Variants in IL34 observed in about 807,000 individuals in gnomAD.
The protein encoded by IL34 is interleukin-34.
Under a neutral mutation model 25.3 loss-of-function variants are expected in IL34, and 17 were observed. The observed-to-expected ratio is 0.67, with a 90% CI of 0.46 to 1.01. The LOEUF (loss-of-function observed/expected upper bound fraction) is 1.01. IL34 is among the 50% of genes least tolerant of loss of function. The pLI is 0.00. For missense variants in IL34, 368 were observed against 312.9 expected (o/e 1.18, Z -1.33); for synonymous variants, 174 against 140.9 (o/e 1.23, Z -1.66).
Position 70,660,039 on chromosome 16 carries a change from C to T in IL34, c.581C>T (p.Pro194Leu). 6.2e-7 allele frequency: 1 copy of T among 1,611,974 alleles called. No individual in the cohort carries two copies. Among genetic ancestry groups the T allele is most frequent in the Non-Finnish European group, 8.5e-7 (1 of 1,179,210 alleles). ...CTAAACTGGCAGGACTGTGAGGTGC[C>T]AAGTCCTCAGTCTTGCAGCCCAGAG... is the stretch of plus-strand genomic sequence containing the variant. ...SVLNWQDCEV[P>L]SPQSCSPEPS... Residue 194 changes from proline to leucine, a missense_variant, in exon 6 of 6, where the codon CCA (proline) becomes CTA (leucine). Pro to Leu is a moderately conservative substitution (Grantham distance 98, BLOSUM62 -3). Coordinates refer to ENST00000288098, the MANE Select transcript of IL34 (RefSeq NM_001393494.1).
chr16:70,659,861 C>CG, intron 5 of IL34, 108 bp downstream of exon 5: 1 of 1,490,630 alleles, frequency 6.7e-7, no homozygotes, highest in African/African-American at 1.4e-5. Context: ...CTCTGCTCCC[C>CG]GGGGCTACAA....
chr16:70,607,513 A>G (rs1252598961), intron 1 of IL34, among the ~76,000 whole-genome samples: 1 of 152,156 alleles, frequency 6.6e-6, no homozygotes, highest in African/African-American at 2.4e-5. Context: ...ACTGGCTGGA[A>G]TCTCCAGCAC....
chr16:70,628,959 T>C (rs1165373856), intron 1 of IL34, among the ~76,000 whole-genome samples: 1 of 152,062 alleles, frequency 6.6e-6, no homozygotes, highest in Non-Finnish European at 1.5e-5. Flanking sequence ...AACTAACTTT[T>C]GTATTTTTAA....
At position 70,641,082 on chromosome 16, in the gene IL34, G is replaced by C. The variant is rs1029528250; in HGVS notation, c.-400-5466G>C. ...AGGTCAGAAATTTGAGACCAGCCTG[G>C]CCAACATGGTGAAATCCTGTCTCTA... On this transcript the variant is annotated intron_variant, in intron 1 of 6. Transcript: ENST00000429149. Among the ~76,000 whole-genome samples the C allele has an allele frequency of 6.6e-5, 10 of 151,970 alleles. No individual in the cohort carries two copies. The East Asian group carries it at 1.9e-3, about 29-fold the overall frequency.
intron 1 of IL34, among the ~76,000 whole-genome samples, chr16:70,651,792 C>G (rs992685409): frequency 6.6e-6 from 1 of 150,860 alleles, no homozygotes; most frequent in African/African-American, 2.4e-5. Context: ...ATGGTTATTG[C>G]TTTTGTCTGT....
At chr16:70,628,269 A>G (rs1228766091) in intron 1 of IL34, among the ~76,000 whole-genome samples, 1 of 152,152 alleles carries the variant, frequency 6.6e-6, no homozygotes, top group Non-Finnish European at 1.5e-5. Context: ...AATTGGACCT[A>G]CTTATGATGT....
At chr16:70,608,090 T>A (rs2051035006) in intron 1 of IL34, among the ~76,000 whole-genome samples, 3 of 150,608 alleles carry the variant, frequency 2.0e-5, no homozygotes, top group Non-Finnish European at 4.4e-5. Context: ...TTTAGTTTGT[T>A]AACATGGTGA....
At chr16:70,590,925 G>A (rs1032892451) in intron 1 of IL34, among the ~76,000 whole-genome samples, 40 of 152,104 alleles carry the variant, frequency 2.6e-4, no homozygotes, top group Non-Finnish European at 4.0e-4. Context: ...TGCCCTCCCC[G>A]TCGTCAGTGC....
At chr16:70,620,023 T>C (rs1470459110) in intron 1 of IL34, among the ~76,000 whole-genome samples, 1 of 151,964 alleles carries the variant, frequency 6.6e-6, no homozygotes, top group African/African-American at 2.4e-5. Flanking sequence ...CTGGGGTTTG[T>C]CTCACAGTGG....
intron 1 of IL34, among the ~76,000 whole-genome samples, chr16:70,610,203 G>GAA (rs532430858): frequency 1.6e-4 from 19 of 118,060 alleles, no homozygotes; most frequent in East Asian, 2.5e-4. Context: ...CTCTATCTCA[G>GAA]AAAAAAAAAA....
intron 1 of IL34, chr16:70,654,197 C>G (rs2052153411): frequency 4.8e-6 from 1 of 206,314 alleles, no homozygotes; most frequent in Admixed American, 5.8e-5. Context: ...CACCCGGACA[C>G]CAGGGGCAGA....
At chr16:70,635,403 G>A (rs2051618427) in intron 1 of IL34, among the ~76,000 whole-genome samples, 2 of 152,190 alleles carry the variant, frequency 1.3e-5, no homozygotes, top group South Asian at 4.1e-4. Flanking sequence ...GTCTCCTGCT[G>A]CTCTCAGGAA....
intron 1 of IL34, among the ~76,000 whole-genome samples, chr16:70,606,200 C>A (rs1247221850): frequency 6.6e-6 from 1 of 151,702 alleles, no homozygotes; most frequent in Non-Finnish European, 1.5e-5. Flanking sequence ...AGTTCGAGAC[C>A]AGCCTGGGCA....
At chr16:70,628,034 T>G (rs942340282) in intron 1 of IL34, among the ~76,000 whole-genome samples, 1 of 152,256 alleles carries the variant, frequency 6.6e-6, no homozygotes, top group East Asian at 1.9e-4. Flanking sequence ...CAAGTAGATA[T>G]GTGACAATTT....
chr16:70,599,305 C>CTTCT (rs969551651), intron 1 of IL34, among the ~76,000 whole-genome samples: 24 of 60,322 alleles, frequency 4.0e-4, no homozygotes, highest in African/African-American at 1.2e-3. Context: ...TCTTTCTTTC[C>CTTCT]TTCTTTCTTT....
intron 2 of IL34, among the ~76,000 whole-genome samples, chr16:70,655,447 G>A (rs1386275555): frequency 6.6e-6 from 1 of 151,404 alleles, no homozygotes; most frequent in African/African-American, 2.4e-5. Flanking sequence ...GGAGTGCAGT[G>A]GATAATTTCA....
intron 1 of IL34, among the ~76,000 whole-genome samples, chr16:70,621,020 A>G (rs1174081286): frequency 6.6e-6 from 1 of 152,110 alleles, no homozygotes; most frequent in African/African-American, 2.4e-5. Flanking sequence ...TGGGGCACGG[A>G]AATAAGGGAT....
rs746070181 is a variant in IL34, at chr16:70,656,917, G to T, written c.241-43G>T. The T allele has an allele frequency of 2.5e-6, 4 of 1,580,318 alleles. No individual in the cohort carries two copies. The Admixed American group carries it at 6.9e-5, about 27-fold the overall frequency. On this transcript the variant is annotated intron_variant, in intron 3 of 5. Transcript: ENST00000288098. ...GGTGAGGGAGTGGTCAGAGCCCAGA[G>T]GCCCATGTCTCCCGAGTTGCAGTGA...
At chr16:70,626,451 G>C (rs1440317045) in intron 1 of IL34, among the ~76,000 whole-genome samples, 1 of 152,062 alleles carries the variant, frequency 6.6e-6, no homozygotes, top group Non-Finnish European at 1.5e-5. Flanking sequence ...GGCTGGAATG[G>C]AATGGTGCAA....
Sources: allele counts gnomAD v4.1 joint callset (sites outside exome capture counted in the v4.1 genomes callset), GRCh38; gene constraint gnomAD v4.1.1; transcripts MANE v1.5; gene names NCBI Gene and HGNC (gene_info 2026-07-23, HGNC 2026-07-21).